The following PDE6B variants were observed in gnomAD, a reference collection of about 807,000 sequenced individuals.
The protein encoded by PDE6B is rod cGMP-specific 3',5'-cyclic phosphodiesterase subunit beta.
PDE6B carries 106 observed loss-of-function variants against 109.0 expected under a neutral mutation model. The ratio of observed to expected loss-of-function variants is 0.97; its 90% confidence interval spans 0.83 to 1.14. PDE6B has a LOEUF of 1.14. Among genes scored for constraint, PDE6B ranks in the 50% most tolerant of loss-of-function variants. The pLI is 0.00. For synonymous variants in PDE6B, 490 were observed against 471.3 expected, an observed-to-expected ratio of 1.04 and a Z score of -0.51; for missense variants, 1,193 against 1,155.6, an observed-to-expected ratio of 1.03 and a Z score of -0.47.
chr4:631,510 G>T (rs959556723), intron 1 of PDE6B, among the ~76,000 whole-genome samples: 1 of 152,130 alleles, frequency 6.6e-6, no homozygotes, highest in Non-Finnish European at 1.5e-5. Flanking sequence ...ATGTTATGTG[G>T]ATCTGTGTGA....
Position 670,187 on chromosome 4 carries a change from C to T in PDE6B, c.*80C>T. 1.3e-6 allele frequency: 2 copies of T among 1,589,754 alleles called. No homozygotes were observed. Among genetic ancestry groups the T allele is most frequent in the Non-Finnish European group, 1.7e-6 (2 of 1,163,386 alleles). ...GGGTTCTGCCTGTGGCTATTTGCTA[C>T]AAGAGGTTAGGAAGCCCAAGAAAAT... On this transcript the variant is annotated 3_prime_UTR_variant, in exon 22 of 22. Transcript: ENST00000496514.
intron 10 of PDE6B, 51 bp from the exon 11 acceptor site, chr4:658,901 T>A: frequency 1.5e-6 from 2 of 1,365,204 alleles, no homozygotes; most frequent in Non-Finnish European, 2.1e-6. Flanking sequence ...CGCCGTCACC[T>A]TGTCCCACAT....
At chr4:629,893 G>A (rs1340340116) in intron 1 of PDE6B, among the ~76,000 whole-genome samples, 1 of 152,178 alleles carries the variant, frequency 6.6e-6, no homozygotes, top group Admixed American at 6.5e-5. Flanking sequence ...CAGCCCCCAG[G>A]CCTGCTAGAG....
rs1734097449 is a variant in PDE6B, at chr4:626,244, G to A, written c.468+150G>A. ...CTGTGCTGAGGAGCAAGTACCTAGA[G>A]CCCCCTCCCGGCACTGTGCCCTGGC... is the stretch of plus-strand genomic sequence containing the variant. On this transcript the variant is annotated intron_variant, in intron 1 of 21. Transcript: ENST00000496514. The surrounding 1 kb of genome is among the most constrained non-coding windows in gnomAD (Gnocchi z 4.6). 4.9e-6 allele frequency: 3 copies of A among 616,582 alleles called. No homozygotes were observed. The highest frequency in any genetic ancestry group is 3.9e-5 in the South Asian group (2 of 51,394). The allele number at this position is 616,582 out of a possible 1,614,324, so 38.2% of individuals were successfully genotyped here.
intron 12 of PDE6B, chr4:661,728 G>T (rs1016890410): frequency 2.3e-5 from 7 of 307,444 alleles, no homozygotes; most frequent in Non-Finnish European, 4.5e-5. Flanking sequence ...CTCTTGCCCT[G>T]CGGACATCGG....
chr4:654,228 AG>A (rs776550398), intron 5 of PDE6B, 74 bp downstream of exon 5: 2 of 1,160,682 alleles, frequency 1.7e-6, no homozygotes, highest in South Asian at 2.5e-5. Flanking sequence ...AGGGCAGGAG[AG>A]GGAGGGATAG....
chr4:653,803 C>T (rs749682697), intron 3 of PDE6B, 49 bp from the exon 4 acceptor site: 165 of 1,605,336 alleles, frequency 1.0e-4, no homozygotes, highest in Middle Eastern at 3.3e-4. Context: ...GTCAGACCGG[C>T]GTGAGGGTGG....
intron 3 of PDE6B, among the ~76,000 whole-genome samples, chr4:645,227 T>C (rs1735140544): frequency 6.6e-6 from 1 of 151,906 alleles, no homozygotes; most frequent in Non-Finnish European, 1.5e-5. Flanking sequence ...ATATATAGGG[T>C]CAGGTCTTAG....
In PDE6B at chr4:656,881, C is replaced by A; in HGVS notation, c.1115C>A (p.Ala372Asp). Reference sequence around the variant, plus strand: ...TGGACACCGCTCCCGCAGGAAGGGGCCCTGGACGACTCCGGGTGGCTCATC... The same window carrying A: ...TGGACACCGCTCCCGCAGGAAGGGGACCTGGACGACTCCGGGTGGCTCATC... ...ADEMFKFQEG[A>D]LDDSGWLIKN... is the part of the protein sequence containing the mutation. Residue 372 changes from alanine (A) to aspartate (D), a missense_variant, in exon 9 of 22, where the codon GCC (alanine) becomes GAC (aspartate). By Grantham distance (126) the Ala-to-Asp change is moderately radical. Transcript: ENST00000496514. 1.2e-6 allele frequency: 2 copies of A among 1,612,706 alleles called. No homozygotes were observed. The highest frequency in any genetic ancestry group is 1.3e-5 in the African/African-American group (1 of 75,058).
At chr4:652,521 C>T (rs1735674183) in intron 3 of PDE6B, 1 of 983,886 alleles carries the variant, frequency 1.0e-6, no homozygotes, top group South Asian at 4.7e-5. Flanking sequence ...TGGCGGCCAC[C>T]ACTGCCGTTA....
At chr4:655,182 G>A (rs1020696445) in intron 6 of PDE6B, 19 of 491,980 alleles carry the variant, frequency 3.9e-5, no homozygotes, top group African/African-American at 5.8e-5. Flanking sequence ...CTGTCCAGGC[G>A]GCCTCGTCAG....
chr4:658,280 C>G (rs139917815), intron 10 of PDE6B, among the ~76,000 whole-genome samples: 2 of 80,334 alleles, frequency 2.5e-5, no homozygotes, highest in South Asian at 4.6e-4. Flanking sequence ...GGCTGTGCGG[C>G]GGGGGCAGGT....
chr4:628,413 ACCCGGGCCACCCGGAGTCTCACCCTCCTG>A (rs1010310669), intron 1 of PDE6B, among the ~76,000 whole-genome samples: 20 of 152,080 alleles, frequency 1.3e-4, no homozygotes, highest in East Asian at 1.9e-4. Flanking sequence ...AGCACGCAAC[ACCCGGGCCACCCGGAGTCTCACCCTCCTG>A]CCCGGGCCAC....
intron 7 of PDE6B, 36 bp downstream of exon 7, chr4:656,042 G>A (rs762185131): frequency 1.8e-5 from 25 of 1,359,000 alleles, no homozygotes; most frequent in Non-Finnish European, 2.4e-5. Context: ...CCACAGCCTT[G>A]CCCTCACTGG....
At chr4:642,046 A>G (rs536816785) in intron 3 of PDE6B, among the ~76,000 whole-genome samples, 1 of 152,344 alleles carries the variant, frequency 6.6e-6, no homozygotes, top group African/African-American at 2.4e-5. Flanking sequence ...TATACATTGT[A>G]TTTCTTTTTC....
chr4:669,888 G>C (rs534091866), intron 21 of PDE6B, among the ~76,000 whole-genome samples, 158 bp from the exon 22 acceptor site: 43 of 152,292 alleles, frequency 2.8e-4, no homozygotes, highest in African/African-American at 8.9e-4. Flanking sequence ...AAAGCACTAA[G>C]AAAGGCTCAG....
intron 1 of PDE6B, among the ~76,000 whole-genome samples, chr4:630,117 G>A (rs928979126): frequency 6.6e-6 from 1 of 152,144 alleles, no homozygotes; most frequent in African/African-American, 2.4e-5. Context: ...GAGGAGAGAC[G>A]GGGGGCCAGC....
chr4:668,012 G>C lies in PDE6B; in HGVS notation c.2503+6G>C. On this transcript the variant is annotated splice_donor_region_variant and intron_variant, in intron 21 of 21. Transcript: ENST00000496514. The stretch of plus-strand genomic sequence containing the variant: ...GAGGGTGGCAGCCAAGAAAGGTCTG[G>C]CTCTGTGTGGCCTGTGGGGCAGGGA... The C allele has an allele frequency of 6.2e-7, 1 of 1,610,550 alleles. No homozygotes were observed. Among genetic ancestry groups the C allele is most frequent in the Non-Finnish European group, 8.5e-7 (1 of 1,178,984 alleles).
intron 11 of PDE6B, 35 bp from the exon 12 acceptor site, chr4:660,432 G>A (rs753650946): frequency 2.5e-6 from 4 of 1,611,804 alleles, no homozygotes; most frequent in African/African-American, 1.3e-5. Context: ...GGCTGTGGCA[G>A]GCCAACCTCC....
Sources: allele counts gnomAD v4.1 joint callset (sites outside exome capture counted in the v4.1 genomes callset), GRCh38; gene constraint gnomAD v4.1.1; non-coding constraint Gnocchi (gnomAD v3.1); transcripts MANE v1.5; gene names NCBI Gene and HGNC (gene_info 2026-07-23, HGNC 2026-07-21).